Variants in NEGR1 observed in about 807,000 individuals in gnomAD.
The protein encoded by NEGR1 is neuronal growth regulator 1.
NEGR1 carries 10 observed loss-of-function variants against 40.9 expected under a neutral mutation model. That is an observed-to-expected ratio of 0.24 (90% confidence interval 0.15 to 0.42). The LOEUF (loss-of-function observed/expected upper bound fraction) is 0.42. Among genes scored for constraint, NEGR1 ranks in the 10% least tolerant of loss-of-function variants. NEGR1 has a pLI of 1.00. For missense variants in NEGR1, 352 were observed against 438.9 expected (o/e 0.80, Z 1.77); for synonymous variants, 185 against 166.8 (o/e 1.11, Z -0.84).
At chr1:71,601,648 T>C (rs1649921450) in intron 5 of NEGR1, among the ~76,000 whole-genome samples, 1 of 152,208 alleles carries the variant, frequency 6.6e-6, no homozygotes, top group Non-Finnish European at 1.5e-5. Context: ...TAAAGTCATG[T>C]CCTTTGCAGC....
At chr1:71,505,473 G>A (rs1201493199) in intron 6 of NEGR1, among the ~76,000 whole-genome samples, 1 of 152,064 alleles carries the variant, frequency 6.6e-6, no homozygotes, top group Non-Finnish European at 1.5e-5. Flanking sequence ...AGTAGAGACG[G>A]GGTTTCACCG....
At chr1:71,979,670 C>G (rs1336165618) in intron 1 of NEGR1, among the ~76,000 whole-genome samples, 1 of 152,002 alleles carries the variant, frequency 6.6e-6, no homozygotes, top group Non-Finnish European at 1.5e-5. Context: ...TGATGGGAAA[C>G]TAATGGATGA....
intron 2 of NEGR1, among the ~76,000 whole-genome samples, chr1:71,854,825 T>C (rs1402964545): frequency 6.6e-6 from 1 of 152,156 alleles, no homozygotes; most frequent in Admixed American, 6.6e-5. Flanking sequence ...ACCGTCCCCA[T>C]GATTCAATTA....
chr1:71,503,949 C>T (rs933950786), intron 6 of NEGR1, among the ~76,000 whole-genome samples: 2 of 150,444 alleles, frequency 1.3e-5, no homozygotes, highest in Admixed American at 1.3e-4. Flanking sequence ...AATAGTGATC[C>T]CAGGGATCAG....
chr1:71,938,479 G>T (rs563528778), intron 1 of NEGR1, among the ~76,000 whole-genome samples: 4 of 128,662 alleles, frequency 3.1e-5, no homozygotes, highest in Non-Finnish European at 6.3e-5. Flanking sequence ...TTCTTCCTCT[G>T]TACCTCCTTT....
At chr1:71,475,587 A>C (rs891806340) in intron 6 of NEGR1, among the ~76,000 whole-genome samples, 3 of 152,070 alleles carry the variant, frequency 2.0e-5, no homozygotes, top group African/African-American at 7.2e-5. Flanking sequence ...ACAACAACAA[A>C]AGCCATAGCC....
intron 2 of NEGR1, among the ~76,000 whole-genome samples, chr1:71,787,473 T>G (rs1656954625): frequency 1.3e-5 from 2 of 152,164 alleles, no homozygotes; most frequent in African/African-American, 4.8e-5. Context: ...AGAGAGCACC[T>G]GTCTAAAGAG....
At chr1:72,257,893 T>C (rs1037027528) in intron 1 of NEGR1, among the ~76,000 whole-genome samples, 2 of 152,162 alleles carry the variant, frequency 1.3e-5, no homozygotes, top group African/African-American at 4.8e-5. Flanking sequence ...TCTCTGAACA[T>C]TCTGTGAAAA....
At chr1:71,731,658 G>A (rs1373751775) in intron 3 of NEGR1, among the ~76,000 whole-genome samples, 1 of 152,098 alleles carries the variant, frequency 6.6e-6, no homozygotes, top group African/African-American at 2.4e-5. Flanking sequence ...CATCAGTAGA[G>A]CAGGCAAAAC....
At chr1:72,087,419 A>T (rs1648265369) in intron 1 of NEGR1, among the ~76,000 whole-genome samples, 1 of 151,400 alleles carries the variant, frequency 6.6e-6, no homozygotes, top group African/African-American at 2.4e-5. Context: ...CGACAGAGTG[A>T]GATGCTGTCT....
chr1:71,822,361 A>C (rs1204075468), intron 2 of NEGR1, among the ~76,000 whole-genome samples: 1 of 152,014 alleles, frequency 6.6e-6, no homozygotes, highest in Non-Finnish European at 1.5e-5. Context: ...AGAGGCATTT[A>C]ACAACCAAGT....
At chr1:71,774,783 A>C (rs1219838003) in intron 3 of NEGR1, among the ~76,000 whole-genome samples, 1 of 152,170 alleles carries the variant, frequency 6.6e-6, no homozygotes. Flanking sequence ...GGGTGCACCC[A>C]AAGCTATGTA....
chr1:72,197,819 T>G (rs1325756420), intron 1 of NEGR1, among the ~76,000 whole-genome samples: 1 of 152,082 alleles, frequency 6.6e-6, no homozygotes. Context: ...CTACATTTGG[T>G]AAGATTCTAT....
At chr1:71,929,679 G>A (rs1645836195) in intron 2 of NEGR1, among the ~76,000 whole-genome samples, 1 of 150,552 alleles carries the variant, frequency 6.6e-6, no homozygotes, top group Non-Finnish European at 1.5e-5. Context: ...CAGCACAATG[G>A]CTTGAATTGT....
chr1:71,804,702 T>G (rs1657689816), intron 2 of NEGR1, among the ~76,000 whole-genome samples: 2 of 152,228 alleles, frequency 1.3e-5, no homozygotes, highest in South Asian at 4.1e-4. Context: ...TCCCATCATC[T>G]TTGTAAACTG....
At chr1:71,446,388 T>C (rs1380923420) in intron 6 of NEGR1, among the ~76,000 whole-genome samples, 1 of 152,196 alleles carries the variant, frequency 6.6e-6, no homozygotes, top group Admixed American at 6.5e-5. Flanking sequence ...TGTCATGAAA[T>C]AGTGAATTGT....
At chr1:72,198,199 G>A (rs757240762) in intron 1 of NEGR1, among the ~76,000 whole-genome samples, 17 of 152,052 alleles carry the variant, frequency 1.1e-4, no homozygotes, top group Admixed American at 4.6e-4. Context: ...AGCTAGGAGC[G>A]TACATATAAC....
chr1:72,224,815 G>A (rs1471337215), intron 1 of NEGR1, among the ~76,000 whole-genome samples: 1 of 151,894 alleles, frequency 6.6e-6, no homozygotes, highest in East Asian at 1.9e-4. Context: ...TAGTCAGTTT[G>A]TTTCTAGGTT....
At chr1:71,977,333 A>G (rs1033307105) in intron 1 of NEGR1, among the ~76,000 whole-genome samples, 1 of 148,856 alleles carries the variant, frequency 6.7e-6, no homozygotes, top group Admixed American at 6.7e-5. Context: ...CTCAAAAAAA[A>G]CAAAACAAAA....
Sources: allele counts gnomAD v4.1 joint callset (sites outside exome capture counted in the v4.1 genomes callset), GRCh38; gene constraint gnomAD v4.1.1; transcripts MANE v1.5; gene names NCBI Gene and HGNC (gene_info 2026-07-23, HGNC 2026-07-21).